Variants in GPT2 observed in about 807,000 individuals in gnomAD.
GPT2 encodes the protein alanine aminotransferase 2.
GPT2 carries 30 observed loss-of-function variants against 56.9 expected under a neutral mutation model. The ratio of observed to expected loss-of-function variants is 0.53; its 90% CI spans 0.39 to 0.72. GPT2 has a LOEUF of 0.72. Among genes scored for constraint, GPT2 ranks in the 30% least tolerant of loss-of-function variants. The pLI is 0.00. For synonymous variants in GPT2, 271 were observed against 283.1 expected, an observed-to-expected ratio of 0.96 and a Z score of 0.43; for missense variants, 542 against 703.4, an observed-to-expected ratio of 0.77 and a Z score of 2.60.
rs529101905 is a variant in GPT2 at position 46,900,535 on chromosome 16, C to G, written c.334-147C>G. On this transcript the variant is annotated intron_variant, in intron 3 of 11. Transcript: ENST00000340124. ...GAGCCCAGCGTCTTCCCCTCCCACTCCCAAGCTCCCACAGGCTGAGTCCTC... is the reference window on the plus strand; with the variant it reads ...GAGCCCAGCGTCTTCCCCTCCCACTGCCAAGCTCCCACAGGCTGAGTCCTC... 3.3e-4 allele frequency: 199 copies of G among 599,760 alleles called. No individual in the cohort carries two copies. In the African/African-American group the frequency reaches 3.5e-3, roughly 11 times the overall value. The allele number at this position is 599,760 out of a possible 1,614,324, so 37.2% of individuals were successfully genotyped here.
At chr16:46,908,025 G>A (rs1331516180) in intron 5 of GPT2, among the ~76,000 whole-genome samples, 1 of 149,830 alleles carries the variant, frequency 6.7e-6, no homozygotes, top group South Asian at 2.1e-4. Context: ...GGGGACCGGT[G>A]GAGGTTTCAG....
chr16:46,899,324 G>A (rs1462421153), intron 3 of GPT2, among the ~76,000 whole-genome samples: 1 of 152,062 alleles, frequency 6.6e-6, no homozygotes, highest in East Asian at 1.9e-4. Flanking sequence ...GGCCCATTTT[G>A]GATCAAAATG....
chr16:46,888,116 C>CA (rs1407122678), intron 2 of GPT2, among the ~76,000 whole-genome samples: 1 of 152,212 alleles, frequency 6.6e-6, no homozygotes, highest in Non-Finnish European at 1.5e-5. Flanking sequence ...CAAGTGGAGA[C>CA]AGGAATGGCT....
chr16:46,905,075 T>A (rs905823520), intron 4 of GPT2, among the ~76,000 whole-genome samples: 2 of 150,936 alleles, frequency 1.3e-5, no homozygotes, highest in African/African-American at 4.9e-5. Flanking sequence ...TTTTTTTTTT[T>A]AAAGACCGTC....
At chr16:46,898,010 G>C (rs1960717578) in intron 3 of GPT2, among the ~76,000 whole-genome samples, 1 of 152,224 alleles carries the variant, frequency 6.6e-6, no homozygotes, top group Admixed American at 6.5e-5. Flanking sequence ...CAAAGGCAGT[G>C]GTGGGGTAGG....
chr16:46,915,886 T>A (rs1961147141), intron 6 of GPT2: 1 of 124,022 alleles, frequency 8.1e-6, no homozygotes, highest in African/African-American at 3.2e-5. Flanking sequence ...ACACTACAAC[T>A]ACACACACAC....
At chr16:46,898,926 A>G (rs1055075311) in intron 3 of GPT2, among the ~76,000 whole-genome samples, 1 of 142,886 alleles carries the variant, frequency 7.0e-6, no homozygotes, top group African/African-American at 2.7e-5. Context: ...ACACATATAT[A>G]TGTGTATATA....
chr16:46,885,926 G>A (rs1370662016), intron 2 of GPT2, among the ~76,000 whole-genome samples: 1 of 152,074 alleles, frequency 6.6e-6, no homozygotes, highest in African/African-American at 2.4e-5. Context: ...TGGGAAGGAG[G>A]GTTCCTTGAT....
chr16:46,895,978 C>T (rs1339562747), intron 2 of GPT2, among the ~76,000 whole-genome samples: 33 of 152,152 alleles, frequency 2.2e-4, no homozygotes. Flanking sequence ...TTTGGGGTAC[C>T]TTTGGGGAAG....
In GPT2 at chr16:46,899,857, CTG is replaced by C. The variant is rs890838395; in HGVS notation, c.334-822_334-821del. Among the ~76,000 whole-genome samples, 13 of 152,350 alleles carry C rather than the reference CTG, an allele frequency of 8.5e-5. No homozygotes were observed. In the East Asian group the frequency reaches 2.5e-3, roughly 29 times the overall value. The stretch of plus-strand genomic sequence containing the variant: ...CGTGTTCCCAGGTCCAGCCCTGCCA[CTG>C]TGCATGGCAGGCCCAGCCTCTCCAG... On this transcript the variant is annotated intron_variant, in intron 3 of 11. Transcript: ENST00000340124.
At chr16:46,909,066 G>A (rs938850099) in intron 5 of GPT2, among the ~76,000 whole-genome samples, 5 of 149,454 alleles carry the variant, frequency 3.3e-5, no homozygotes, top group Admixed American at 6.6e-5. Context: ...GGTGGCAGTA[G>A]ATGGGTATTT....
At chr16:46,888,491 T>TGCCC (rs1168175737) in intron 2 of GPT2, among the ~76,000 whole-genome samples, 1 of 152,022 alleles carries the variant, frequency 6.6e-6, no homozygotes, top group African/African-American at 2.4e-5. Flanking sequence ...GGATTACAGG[T>TGCCC]GCCCGCCGCC....
intron 2 of GPT2, among the ~76,000 whole-genome samples, chr16:46,896,928 T>A (rs1167348609): frequency 6.6e-6 from 1 of 152,224 alleles, no homozygotes; most frequent in African/African-American, 2.4e-5. Context: ...CTGGGCACAG[T>A]GGTTCACCCC....
intron 3 of GPT2, 59 bp from the exon 4 acceptor site, chr16:46,900,620 GCTC>G: frequency 7.6e-7 from 1 of 1,313,738 alleles, no homozygotes. Flanking sequence ...TGGCCTCTGT[GCTC>G]CTCCTGGAGC....
chr16:46,904,000 G>A (rs118002154), intron 4 of GPT2, among the ~76,000 whole-genome samples: 2,257 of 152,266 alleles, frequency 0.015, 26 homozygotes, highest in Middle Eastern at 0.024. Context: ...AATGCATGCC[G>A]GACCAGCGAA....
chr16:46,893,270 A>G (rs1229007513), intron 2 of GPT2, among the ~76,000 whole-genome samples: 2 of 152,154 alleles, frequency 1.3e-5, no homozygotes, highest in Non-Finnish European at 2.9e-5. Flanking sequence ...AGCTGGGACT[A>G]CAGGCGCGTG....
chr16:46,897,137 C>A (rs1264648864), intron 2 of GPT2, among the ~76,000 whole-genome samples: 2 of 152,210 alleles, frequency 1.3e-5, no homozygotes, highest in Non-Finnish European at 2.9e-5. Flanking sequence ...AATCCTAGCA[C>A]TTTGGGAGGC....
rs548950299 is a variant in GPT2, at chr16:46,908,709, A to G, written c.577-975A>G. 2.8e-4 allele frequency among the ~76,000 whole-genome samples: 43 copies of G among 152,176 alleles called. No homozygotes were observed. In the South Asian group the frequency reaches 8.5e-3, roughly 30 times the overall value. ...TGGAGCTCCAGCTACCAATCACATCATCTTCCATTGCCTTCTGCTGTCAAG... is the reference window on the plus strand; with the variant it reads ...TGGAGCTCCAGCTACCAATCACATCGTCTTCCATTGCCTTCTGCTGTCAAG... On this transcript the variant is annotated intron_variant, in intron 5 of 11. Coordinates refer to ENST00000340124, the MANE Select transcript of GPT2 (RefSeq NM_133443.4).
At chr16:46,919,990 C>G (rs759211209) in intron 8 of GPT2, among the ~76,000 whole-genome samples, 2 of 151,856 alleles carry the variant, frequency 1.3e-5, no homozygotes, top group Non-Finnish European at 2.9e-5. Context: ...GAGGATCACT[C>G]GAGGCCAGGA....
Sources: allele counts gnomAD v4.1 joint callset (sites outside exome capture counted in the v4.1 genomes callset), GRCh38; gene constraint gnomAD v4.1.1; transcripts MANE v1.5; gene names NCBI Gene and HGNC (gene_info 2026-07-23, HGNC 2026-07-21).